NFAT5: variants seen among roughly 807,000 people sequenced by gnomAD.
NFAT5 encodes nuclear factor of activated T cells 5, also known as nuclear factor of activated T-cells 5.
In NFAT5, 31 loss-of-function variants were observed where a neutral mutation model predicts 166.5. The ratio of observed to expected loss-of-function variants is 0.19; its 90% CI spans 0.14 to 0.25. The LOEUF (loss-of-function observed/expected upper bound fraction) is 0.25. Ranked by LOEUF, NFAT5 falls within the 10% of genes least tolerant of loss-of-function variation. NFAT5 has a pLI of 1.00. For missense variants in NFAT5, 1,449 were observed against 1,821.8 expected (o/e 0.80, Z 3.72); for synonymous variants, 612 against 639.7 (o/e 0.96, Z 0.65).
intron 10 of NFAT5, among the ~76,000 whole-genome samples, chr16:69,679,969 T>A (rs926756401): frequency 6.6e-6 from 1 of 151,954 alleles, no homozygotes; most frequent in African/African-American, 2.4e-5. Context: ...TACAAAAAAA[T>A]TAGCCGGGCG....
At chr16:69,600,906 C>T (rs1209249478) in intron 2 of NFAT5, among the ~76,000 whole-genome samples, 1 of 152,024 alleles carries the variant, frequency 6.6e-6, no homozygotes, top group South Asian at 2.1e-4. Flanking sequence ...TAGGATCATT[C>T]AGGATTGGGT....
chr16:69,638,432 C>CT (rs1316218184), intron 3 of NFAT5, among the ~76,000 whole-genome samples: 1 of 150,862 alleles, frequency 6.6e-6, no homozygotes, highest in African/African-American at 2.4e-5. Context: ...TTAATCATAT[C>CT]TTAAAAAAAA....
chr16:69,604,462 G>A (rs1426037418), intron 2 of NFAT5, among the ~76,000 whole-genome samples: 1 of 152,118 alleles, frequency 6.6e-6, no homozygotes, highest in Admixed American at 6.5e-5. Flanking sequence ...TCATCACCAA[G>A]GTACTAGACC....
At chr16:69,586,839 C>A (rs185117927) in intron 2 of NFAT5, among the ~76,000 whole-genome samples, 4 of 152,040 alleles carry the variant, frequency 2.6e-5, no homozygotes, top group Admixed American at 6.6e-5. Flanking sequence ...TGGCAGTGAG[C>A]CAAGAAGAAG....
chr16:69,607,805 A>G (rs2033493962), intron 2 of NFAT5, among the ~76,000 whole-genome samples: 1 of 151,920 alleles, frequency 6.6e-6, no homozygotes, highest in Non-Finnish European at 1.5e-5. Flanking sequence ...GAGATTCTCA[A>G]TTTCTTTTCT....
chr16:69,576,305 A>T (rs2016747138), intron 2 of NFAT5, among the ~76,000 whole-genome samples: 1 of 151,790 alleles, frequency 6.6e-6, no homozygotes, highest in Admixed American at 6.6e-5. Flanking sequence ...AAAAAAAAAA[A>T]AAAAAAGAAC....
At chr16:69,644,284 C>CA (rs888273654) in intron 3 of NFAT5, among the ~76,000 whole-genome samples, 135 of 112,272 alleles carry the variant, frequency 1.2e-3, no homozygotes, top group Non-Finnish European at 1.2e-3. Context: ...GACCCTGCCT[C>CA]AAAAAAAAAA....
chr16:69,688,202 C>CAAAAAAAAAAAAAAAAAAAAAAAAA (rs1188158260), intron 11 of NFAT5, among the ~76,000 whole-genome samples: 1 of 49,512 alleles, frequency 2.0e-5, no homozygotes, highest in Non-Finnish European at 4.2e-5. Flanking sequence ...GACTCCGTCT[C>CAAAAAAAAAAAAAAAAAAAAAAAAA]AAAAAAAAAA....
At position 69,571,708 on chromosome 16, in the gene NFAT5, T is replaced by G. The variant is rs529072708; in HGVS notation, c.127+3160T>G. ...GTTTTCCAAATTTAAATTTTTTTTT[T>G]GGGGGGAAACAAGGTTGGAAAACCT... On this transcript the variant is annotated intron_variant, in intron 2 of 14. Coordinates refer to ENST00000349945, the MANE Select transcript of NFAT5 (RefSeq NM_138713.4). Among the ~76,000 whole-genome samples, 505 of 144,616 alleles carry G rather than the reference T, an allele frequency of 3.5e-3. 4 individuals are homozygous for G. The highest frequency in any genetic ancestry group is 0.011 in the African/African-American group (419 of 38,866). 94.9% of individuals were successfully genotyped at this position (144,616 alleles called of 152,430 possible).
rs768765670 is a variant in NFAT5, at chr16:69,691,926, A to G, written c.2101A>G (p.Ile701Val). The G allele has an allele frequency of 6.8e-6, 11 of 1,614,090 alleles. No homozygotes were observed. Among genetic ancestry groups the G allele is most frequent in the Non-Finnish European group, 9.3e-6 (11 of 1,180,048 alleles). Residue 701 changes from isoleucine to valine, a missense_variant, in exon 13 of 15, where the codon ATC becomes GTC. Around this residue, in one of 7 missense-constraint regions of NFAT5, gnomAD observed 891 missense variants for 993.0 expected, o/e 0.90. Coordinates refer to ENST00000349945, the MANE Select transcript of NFAT5 (RefSeq NM_138713.4). ...CCTGACAACTATTCAAACCCAGGAC[A>G]TCTCACAGCCTGGTACTTTTCCAGC... is the stretch of plus-strand genomic sequence containing the variant. Reference protein sequence around the residue: ...ETLTTIQTQDISQPGTFPAVS... With the variant: ...ETLTTIQTQDVSQPGTFPAVS...
At chr16:69,651,263 A>T (rs572402050) in intron 4 of NFAT5, among the ~76,000 whole-genome samples, 1 of 152,348 alleles carries the variant, frequency 6.6e-6, no homozygotes, top group East Asian at 1.9e-4. Context: ...TATAAAGATG[A>T]TTAAGCACAG....
At chr16:69,690,830 A>G in intron 11 of NFAT5, 110 bp from the exon 12 acceptor site, 1 of 871,920 alleles carries the variant, frequency 1.1e-6, no homozygotes, top group Admixed American at 2.9e-5. Context: ...CTACCATTGT[A>G]GCATCAAAAA....
At chr16:69,641,436 A>G (rs963003150) in intron 3 of NFAT5, among the ~76,000 whole-genome samples, 1 of 152,028 alleles carries the variant, frequency 6.6e-6, no homozygotes, top group African/African-American at 2.4e-5. Flanking sequence ...GCTTTTTTAG[A>G]AAACTCAATT....
At chr16:69,670,195 A>G in intron 8 of NFAT5, 41 bp from the exon 9 acceptor site, 1 of 1,564,144 alleles carries the variant, frequency 6.4e-7, no homozygotes. Flanking sequence ...AGTAAAAAAA[A>G]TAGTTCAAAA....
intron 7 of NFAT5, among the ~76,000 whole-genome samples, chr16:69,660,722 A>T (rs187606705): frequency 1.3e-5 from 2 of 152,132 alleles, no homozygotes. Flanking sequence ...GTTGTTATAT[A>T]TGTCTCACCA....
At chr16:69,635,693 A>T (rs1427680542) in intron 3 of NFAT5, among the ~76,000 whole-genome samples, 1 of 152,216 alleles carries the variant, frequency 6.6e-6, no homozygotes, top group Non-Finnish European at 1.5e-5. Context: ...GCAAAAGCAG[A>T]AACCCCTGAT....
In NFAT5 at chr16:69,566,080, C is replaced by G. The variant is rs2016012048; in HGVS notation, c.-222C>G. On this transcript the variant is annotated 5_prime_UTR_variant, in exon 1 of 15. Coordinates refer to ENST00000349945, the MANE Select transcript of NFAT5 (RefSeq NM_138713.4). This position sits in a 1 kb window ranked among gnomAD's most constrained non-coding sequence, Gnocchi z 5.7. ...CCCTTCCCCGTCCTGAACCCCTCTC[C>G]TGGTCACCGAGAATCAGTCCCCGTG... is the stretch of plus-strand genomic sequence containing the variant. The G allele has an allele frequency of 7.2e-6, 4 of 554,616 alleles. No homozygotes were observed. The highest frequency in any genetic ancestry group is 3.6e-5 in the Admixed American group (1 of 27,954). The allele number at this position is 554,616 out of a possible 1,614,324, so 34.4% of individuals were successfully genotyped here.
At chr16:69,648,291 A>G (rs2035531163) in intron 4 of NFAT5, 1 of 984,556 alleles carries the variant, frequency 1.0e-6, no homozygotes. Context: ...GTGTCCTCAT[A>G]TGGTTTACAT....
At chr16:69,660,164 G>T (rs1293211121) in intron 7 of NFAT5, among the ~76,000 whole-genome samples, 2 of 152,160 alleles carry the variant, frequency 1.3e-5, no homozygotes, top group African/African-American at 4.8e-5. Flanking sequence ...CAGACAGGGT[G>T]GCTCCCAGCA....
Sources: allele counts gnomAD v4.1 joint callset (sites outside exome capture counted in the v4.1 genomes callset), GRCh38; gene constraint gnomAD v4.1.1; regional missense constraint gnomAD v4.1.1; non-coding constraint Gnocchi (gnomAD v3.1); transcripts MANE v1.5; gene names NCBI Gene and HGNC (gene_info 2026-07-23, HGNC 2026-07-21).